PDE1A: variants seen among roughly 807,000 people sequenced by gnomAD.
The protein encoded by PDE1A is dual specificity calcium/calmodulin-dependent 3',5'-cyclic nucleotide phosphodiesterase 1A.
PDE1A carries 35 observed loss-of-function variants against 61.7 expected under a neutral mutation model. That is an observed-to-expected ratio of 0.57 (90% CI 0.43 to 0.75). The LOEUF (loss-of-function observed/expected upper bound fraction) is 0.75, where lower values mean the gene tolerates loss of function less well. Among genes scored for constraint, PDE1A ranks in the 30% least tolerant of loss-of-function variants. The pLI is 0.00. For synonymous variants in PDE1A, 232 were observed against 213.2 expected (o/e 1.09, Z -0.77); for missense variants, 597 against 630.6 (o/e 0.95, Z 0.57).
At chr2:182,159,559 T>G (rs1243660936) in intron 13 of PDE1A, among the ~76,000 whole-genome samples, 3 of 152,226 alleles carry the variant, frequency 2.0e-5, no homozygotes, top group African/African-American at 7.2e-5. Flanking sequence ...CATAATCTTA[T>G]ATATATCAAA....
At chr2:182,431,317 A>G (rs974313591), upstream of PDE1A, among the ~76,000 whole-genome samples, 7 of 152,052 alleles carry the variant, frequency 4.6e-5, no homozygotes, top group Non-Finnish European at 8.8e-5. Context: ...CTCCCCCAGG[A>G]AAGTTCCAAG....
chr2:182,352,940 AG>A (rs1401982856), intron 1 of PDE1A, among the ~76,000 whole-genome samples: 1 of 152,250 alleles, frequency 6.6e-6, no homozygotes, highest in Non-Finnish European at 1.5e-5. Context: ...CAAATATGTG[AG>A]ACATACATAA....
At chr2:182,356,850 C>T (rs1045182697) in intron 1 of PDE1A, among the ~76,000 whole-genome samples, 2 of 152,074 alleles carry the variant, frequency 1.3e-5, no homozygotes, top group Non-Finnish European at 2.9e-5. Context: ...ACTATGCAGC[C>T]GTAAGAAATG....
At chr2:182,677,021 C>A in the PDE1A span, among the ~76,000 whole-genome samples, 1 of 152,164 alleles carries the variant, frequency 6.6e-6, no homozygotes, top group African/African-American at 2.4e-5. Flanking sequence ...AGGATGCTCT[C>A]TCACCACTCC....
At chr2:182,184,483 A>T (rs1189912686) in intron 13 of PDE1A, among the ~76,000 whole-genome samples, 3 of 152,186 alleles carry the variant, frequency 2.0e-5, no homozygotes, top group African/African-American at 2.4e-5. Context: ...AAATCAAGTA[A>T]AATTATTCAT....
chr2:182,462,331 G>GTA (rs142499312), intron 2 of PDE1A, among the ~76,000 whole-genome samples: 10,494 of 149,826 alleles, frequency 0.07, 1,167 homozygotes, highest in African/African-American at 0.24. Flanking sequence ...ATATAAAAAA[G>GTA]TATATATATA....
chr2:182,417,218 C>G (rs1702975248), intron 1 of PDE1A, among the ~76,000 whole-genome samples: 1 of 152,192 alleles, frequency 6.6e-6, no homozygotes, highest in African/African-American at 2.4e-5. Flanking sequence ...GATGTTATAC[C>G]ACTTTGCTAA....
chr2:182,440,625 A>G (rs1684727423), intron 2 of PDE1A, among the ~76,000 whole-genome samples: 1 of 152,094 alleles, frequency 6.6e-6, no homozygotes, highest in South Asian at 2.1e-4. Context: ...CTATTGAGAA[A>G]TGAATTAACA....
chr2:182,602,627 G>T, the PDE1A span, among the ~76,000 whole-genome samples: 90,051 of 151,974 alleles, frequency 0.59, 28,002 homozygotes, highest in African/African-American at 0.77. Flanking sequence ...ACAATCTTAC[G>T]TTTTTGGTCC....
the PDE1A span, among the ~76,000 whole-genome samples, chr2:182,628,790 A>G: frequency 6.6e-6 from 1 of 152,022 alleles, no homozygotes; most frequent in Non-Finnish European, 1.5e-5. Flanking sequence ...TTGCTTGGCC[A>G]TCTGTAACAG....
At chr2:182,312,823 T>A (rs1696075366) in intron 1 of PDE1A, among the ~76,000 whole-genome samples, 1 of 133,714 alleles carries the variant, frequency 7.5e-6, no homozygotes, top group Non-Finnish European at 1.6e-5. Flanking sequence ...AAACTTTTTA[T>A]GTTTTACCAA....
chr2:182,691,209 C>G, the PDE1A span, among the ~76,000 whole-genome samples: 1 of 152,226 alleles, frequency 6.6e-6, no homozygotes, highest in South Asian at 2.1e-4. Context: ...CAAAAAAGAG[C>G]CCACATCACC....
chr2:182,230,962 T>G, intron 5 of PDE1A, 53 bp downstream of exon 5: 1 of 854,762 alleles, frequency 1.2e-6, no homozygotes. Flanking sequence ...ATTTTCATTC[T>G]TACTCAAATA....
chr2:182,185,888 C>T lies in PDE1A; in HGVS notation c.1516+4G>A. The T allele has an allele frequency of 1.9e-6, 3 of 1,613,868 alleles. No homozygotes were observed. Among genetic ancestry groups the T allele is most frequent in the Non-Finnish European group, 2.5e-6 (3 of 1,179,866 alleles). On this transcript the variant is annotated splice_donor_region_variant and intron_variant, in intron 13 of 13. Coordinates refer to ENST00000351439, the Ensembl canonical transcript of PDE1A. ...TGGCAGTAAGGCCTCATAAACAACA[C>T]TACCTTGTGCAGCTAACTCTTTCCA...
chr2:182,186,097 A>G lies in PDE1A; in HGVS notation c.1329-18T>C. ...TGGTTGAGCTAACAGTAACAACCAA[A>G]GAAACCAAAAAACACCATCAGGATA... On this transcript the variant is annotated intron_variant, in intron 12 of 13. Transcript: ENST00000351439. 1 of 1,609,642 alleles carries G rather than the reference A, an allele frequency of 6.2e-7. No homozygotes were observed. The highest frequency in any genetic ancestry group is 8.5e-7 in the Non-Finnish European group (1 of 1,177,216).
chr2:182,431,591 C>T (rs1290504010), upstream of PDE1A, among the ~76,000 whole-genome samples: 1 of 152,094 alleles, frequency 6.6e-6, no homozygotes, highest in African/African-American at 2.4e-5. Context: ...TTTATCCTTC[C>T]AAGGTAAGTC....
intron 3 of PDE1A, 77 bp from the exon 4 acceptor site, chr2:182,234,575 A>G (rs898731578): frequency 1.9e-5 from 18 of 945,782 alleles, no homozygotes; most frequent in Non-Finnish European, 2.7e-5. Context: ...ATATCAGGGA[A>G]AAGATTACTT....
rs79071709 is a variant in PDE1A at position 182,397,701 on chromosome 2, G to A, written c.53+28877C>T. Among the ~76,000 whole-genome samples the A allele has an allele frequency of 5.4e-4, 82 of 152,078 alleles. 1 individual carries two copies. In the East Asian group the frequency reaches 0.015, roughly 28 times the overall value. ...GCTATGTCACATAATGTTTAGTACT[G>A]GAGTCACATGTACAGCTTCTTATCT... is the stretch of plus-strand genomic sequence containing the variant. On this transcript the variant is annotated intron_variant, in intron 1 of 13. Transcript: ENST00000351439.
chr2:182,564,895 C>T, the PDE1A span, among the ~76,000 whole-genome samples: 6 of 152,148 alleles, frequency 3.9e-5, no homozygotes, highest in Admixed American at 3.9e-4. Context: ...CCTTGGCTTT[C>T]AGCTCCATCA....
Sources: allele counts gnomAD v4.1 joint callset (sites outside exome capture counted in the v4.1 genomes callset), GRCh38; gene constraint gnomAD v4.1.1; transcripts MANE v1.5; gene names NCBI Gene and HGNC (gene_info 2026-07-23, HGNC 2026-07-21).